Variants in CAST observed in about 807,000 individuals in gnomAD.
The protein encoded by CAST is calpastatin.
Under a neutral mutation model 119.6 loss-of-function variants are expected in CAST, and 76 were observed. That is an observed-to-expected ratio of 0.64 (90% confidence interval 0.53 to 0.77). The LOEUF (loss-of-function observed/expected upper bound fraction) is 0.77. CAST is among the 30% of genes least tolerant of loss of function. The pLI, the probability that CAST is intolerant of heterozygous loss-of-function variation, is 0.00. For synonymous variants in CAST, 319 were observed against 331.6 expected (o/e 0.96, Z 0.41); for missense variants, 953 against 946.5 (o/e 1.01, Z -0.09).
the CAST span, among the ~76,000 whole-genome samples, chr5:96,116,920 A>G: frequency 6.6e-6 from 1 of 152,196 alleles, no homozygotes; most frequent in African/African-American, 2.4e-5. Flanking sequence ...ATGGGGTTTT[A>G]TTATGCATAG....
the CAST span, among the ~76,000 whole-genome samples, chr5:96,516,143 C>T: frequency 3.6e-5 from 2 of 55,520 alleles, no homozygotes; most frequent in South Asian, 8.9e-4. Flanking sequence ...TAAAGCATCT[C>T]CTTAGATGGT....
chr5:96,641,472 G>A (rs1163370946), intron 1 of CAST, among the ~76,000 whole-genome samples: 1 of 152,080 alleles, frequency 6.6e-6, no homozygotes, highest in African/African-American at 2.4e-5. Flanking sequence ...CTTGAGAATC[G>A]GGCTCTTTGC....
At chr5:96,671,056 C>CAT (rs1315979092) in intron 1 of CAST, among the ~76,000 whole-genome samples, 4 of 152,210 alleles carry the variant, frequency 2.6e-5, no homozygotes, top group Admixed American at 1.3e-4. Flanking sequence ...GGACAAACGA[C>CAT]AGTTGTAGTT....
the CAST span, among the ~76,000 whole-genome samples, chr5:96,071,418 G>A: frequency 2.6e-5 from 4 of 151,856 alleles, no homozygotes; most frequent in African/African-American, 9.7e-5. Flanking sequence ...TCGTATATCA[G>A]TCCCCAGGCA....
At chr5:96,185,342 C>G in the CAST span, among the ~76,000 whole-genome samples, 2 of 152,106 alleles carry the variant, frequency 1.3e-5, no homozygotes, top group African/African-American at 4.8e-5. Context: ...TGCAGAAGCT[C>G]TTTAGTTGAT....
upstream of CAST, among the ~76,000 whole-genome samples, chr5:96,527,798 G>A (rs942309301): frequency 3.9e-5 from 6 of 152,138 alleles, no homozygotes; most frequent in East Asian, 1.2e-3. Context: ...ATGGCCATGA[G>A]GTGGGACTAT....
At chr5:96,209,018 A>G in the CAST span, among the ~76,000 whole-genome samples, 1 of 152,038 alleles carries the variant, frequency 6.6e-6, no homozygotes, top group African/African-American at 2.4e-5. Context: ...TGTTGGGTGC[A>G]TATATATTTA....
the CAST span, among the ~76,000 whole-genome samples, chr5:96,174,907 C>T: frequency 2.0e-5 from 3 of 152,030 alleles, no homozygotes; most frequent in Admixed American, 2.0e-4. Context: ...CAAAAGCTTT[C>T]CTCCTCAATC....
At chr5:96,668,251 A>C (rs1314910321) in intron 1 of CAST, among the ~76,000 whole-genome samples, 1 of 152,228 alleles carries the variant, frequency 6.6e-6, no homozygotes, top group Non-Finnish European at 1.5e-5. Flanking sequence ...TTTGTTGGGA[A>C]AATGAATTCT....
the CAST span, among the ~76,000 whole-genome samples, chr5:96,216,324 C>G: frequency 6.6e-6 from 1 of 152,074 alleles, no homozygotes; most frequent in African/African-American, 2.4e-5. Flanking sequence ...CCACATTGTT[C>G]AAGGGTTAAC....
chr5:96,712,640 A>C (rs777365591), intron 3 of CAST, among the ~76,000 whole-genome samples: 1 of 152,170 alleles, frequency 6.6e-6, no homozygotes, highest in African/African-American at 2.4e-5. Context: ...CCATCTCTTT[A>C]ATATTTGCAA....
chr5:96,604,046 T>A (rs1561427860), intron 1 of CAST, among the ~76,000 whole-genome samples: 1 of 152,196 alleles, frequency 6.6e-6, no homozygotes. Context: ...ATTACAGGCG[T>A]AAGCCACCCC....
chr5:96,092,292 G>A, the CAST span, among the ~76,000 whole-genome samples: 3 of 151,876 alleles, frequency 2.0e-5, no homozygotes, highest in African/African-American at 2.4e-5. Flanking sequence ...CAAGACCACT[G>A]GAAAATAAAA....
At chr5:96,714,934 C>T (rs193192378) in intron 3 of CAST, 4 of 151,546 alleles carry the variant, frequency 2.6e-5, no homozygotes, top group Non-Finnish European at 4.4e-5. Flanking sequence ...TGGGGTGGTC[C>T]GGTATCAGAG....
At chr5:96,164,355 A>T in the CAST span, among the ~76,000 whole-genome samples, 2 of 152,346 alleles carry the variant, frequency 1.3e-5, no homozygotes, top group African/African-American at 4.8e-5. Flanking sequence ...CTGAAATCAA[A>T]GGGACAGAGC....
the CAST span, among the ~76,000 whole-genome samples, chr5:96,118,161 T>G: frequency 6.6e-6 from 1 of 152,198 alleles, no homozygotes; most frequent in African/African-American, 2.4e-5. Context: ...CAATTCAGAC[T>G]TAGACACTGA....
the CAST span, among the ~76,000 whole-genome samples, chr5:96,120,336 A>T: frequency 6.6e-6 from 1 of 152,062 alleles, no homozygotes; most frequent in Non-Finnish European, 1.5e-5. Context: ...TCTTGAGTGG[A>T]ATGGTGCAAA....
At chr5:96,595,511 G>A (rs1440082439) in intron 1 of CAST, among the ~76,000 whole-genome samples, 1 of 152,174 alleles carries the variant, frequency 6.6e-6, no homozygotes, top group East Asian at 1.9e-4. Context: ...GTGGGGTCAG[G>A]GAATCTTCCC....
At chr5:96,612,734 G>A (rs1245978795) in intron 1 of CAST, among the ~76,000 whole-genome samples, 2 of 152,044 alleles carry the variant, frequency 1.3e-5, no homozygotes, top group Non-Finnish European at 2.9e-5. Context: ...CTGAGATTAT[G>A]CAAAAATTCT....
Sources: gnomAD v4.1 joint callset for allele counts (sites outside exome capture counted in the v4.1 genomes callset) on GRCh38, gnomAD v4.1.1 for gene constraint, MANE v1.5 for transcripts, NCBI Gene and HGNC (gene_info 2026-07-23, HGNC 2026-07-21) for gene names.